Variants in PGBD5 observed in about 807,000 individuals in gnomAD.
The protein encoded by PGBD5 is piggyBac transposable element derived 5, also known as piggyBac transposable element-derived protein 5.
PGBD5 carries 14 observed loss-of-function variants against 47.9 expected under a neutral mutation model. The observed-to-expected ratio is 0.29, with a 90% CI of 0.19 to 0.46. The LOEUF is 0.46. PGBD5 is among the 20% of genes least tolerant of loss of function. The pLI is 1.00. For synonymous variants in PGBD5, 316 were observed against 306.3 expected, an observed-to-expected ratio of 1.03 and a Z score of -0.33; for missense variants, 635 against 716.0, an observed-to-expected ratio of 0.89 and a Z score of 1.29.
At chr1:230,370,271 T>A (rs1300515538) in intron 1 of PGBD5, among the ~76,000 whole-genome samples, 1 of 152,140 alleles carries the variant, frequency 6.6e-6, no homozygotes, top group African/African-American at 2.4e-5. Context: ...CCTCTTCACA[T>A]TCCCCATGGA....
chr1:230,359,364 T>C (rs987776262), intron 1 of PGBD5, among the ~76,000 whole-genome samples: 1 of 152,188 alleles, frequency 6.6e-6, no homozygotes, highest in African/African-American at 2.4e-5. Flanking sequence ...GCGCCCGGCC[T>C]GTGTATCGAT....
At position 230,325,620 on chromosome 1, in the gene PGBD5, T is replaced by C. The variant is rs76543027; in HGVS notation, c.1274-205A>G. On this transcript the variant is annotated intron_variant, in intron 5 of 6. Coordinates refer to ENST00000391860, the MANE Select transcript of PGBD5 (RefSeq NM_001258311.2). ...TTGAGGAAAGCATCAGTCAGGTGAG[T>C]GCCATGGTATGCGCTGGCCCAGACA... Among the ~76,000 whole-genome samples the C allele has an allele frequency of 3.9e-3, 595 of 152,184 alleles. 7 individuals are homozygous for C. In the East Asian group the frequency reaches 0.051, roughly 13 times the overall value.
intron 1 of PGBD5, among the ~76,000 whole-genome samples, chr1:230,400,709 G>A (rs1479026028): frequency 6.6e-6 from 1 of 152,212 alleles, no homozygotes; most frequent in Non-Finnish European, 1.5e-5. Flanking sequence ...GCTGGACACG[G>A]TGGCACATGT....
At chr1:230,378,204 C>T (rs181091980) in intron 1 of PGBD5, among the ~76,000 whole-genome samples, 235 of 152,338 alleles carry the variant, frequency 1.5e-3, no homozygotes, top group African/African-American at 5.5e-3. Context: ...TGCTTCTATG[C>T]CCACCTTCCC....
intron 1 of PGBD5, among the ~76,000 whole-genome samples, chr1:230,394,895 C>T (rs559366340): frequency 2.6e-3 from 315 of 123,448 alleles, no homozygotes; most frequent in Non-Finnish European, 4.2e-3. Flanking sequence ...TGCTCCTCCC[C>T]ATCCTCGAGC....
intron 1 of PGBD5, among the ~76,000 whole-genome samples, chr1:230,372,541 C>T (rs1035793761): frequency 2.6e-5 from 4 of 152,176 alleles, no homozygotes; most frequent in South Asian, 4.1e-4. Flanking sequence ...AGCACCTCCA[C>T]GTAAATGCCA....
chr1:230,398,067 C>G (rs925879803), intron 1 of PGBD5, among the ~76,000 whole-genome samples: 8 of 152,128 alleles, frequency 5.3e-5, no homozygotes, highest in Non-Finnish European at 7.3e-5. Flanking sequence ...CCTATAGGAC[C>G]CTGAAACAGT....
intron 1 of PGBD5, among the ~76,000 whole-genome samples, chr1:230,364,935 G>C (rs1217853420): frequency 6.6e-5 from 10 of 151,884 alleles, no homozygotes; most frequent in Non-Finnish European, 2.9e-5. Flanking sequence ...CTGGAGAATT[G>C]CTTGAACCCG....
chr1:230,343,280 G>C (rs1667433661), intron 3 of PGBD5, among the ~76,000 whole-genome samples: 1 of 152,218 alleles, frequency 6.6e-6, no homozygotes. Flanking sequence ...ATGACAGGTT[G>C]GAGGAGGGAC....
chr1:230,337,369 C>A, intron 3 of PGBD5, 81 bp from the exon 4 acceptor site: 2 of 1,327,248 alleles, frequency 1.5e-6, no homozygotes, highest in African/African-American at 1.5e-5. Flanking sequence ...GCACAGATCT[C>A]ATGGGTCTCA....
At chr1:230,377,537 C>T (rs1228712986) in intron 1 of PGBD5, 1 of 1,612,164 alleles carries the variant, frequency 6.2e-7, no homozygotes, top group East Asian at 2.2e-5. Context: ...CGGCCGGGCA[C>T]TATGCTGAGC....
rs556205883 is a variant in PGBD5, at chr1:230,367,727, G to A, written c.332-10406C>T. 4.6e-5 allele frequency among the ~76,000 whole-genome samples: 7 copies of A among 152,266 alleles called. No homozygotes were observed. In the East Asian group the frequency reaches 5.8e-4, roughly 13 times the overall value. ...TAATAAAATTTAAAAAGGGTGCTCC[G>A]TCATCTAGGCTTCAAGAATTATACT... On this transcript the variant is annotated intron_variant, in intron 1 of 6. Transcript: ENST00000391860.
intron 1 of PGBD5, among the ~76,000 whole-genome samples, chr1:230,373,891 TCTCA>T (rs1667971529): frequency 6.6e-6 from 1 of 152,090 alleles, no homozygotes; most frequent in African/African-American, 2.4e-5. Flanking sequence ...AGAGATGGTG[TCTCA>T]CTATGTTGCC....
intron 1 of PGBD5, among the ~76,000 whole-genome samples, chr1:230,387,870 AT>A (rs1419059437): frequency 3.9e-5 from 6 of 152,222 alleles, no homozygotes; most frequent in Non-Finnish European, 8.8e-5. Context: ...GGTAAAGAAC[AT>A]TTTCAGGAAT....
chr1:230,407,302 T>G (rs1350247127), intron 1 of PGBD5, among the ~76,000 whole-genome samples: 1 of 152,238 alleles, frequency 6.6e-6, no homozygotes, highest in Non-Finnish European at 1.5e-5. Flanking sequence ...AAATGGCTGT[T>G]AAAATGATTA....
At chr1:230,339,008 A>G (rs1667370155) in intron 3 of PGBD5, among the ~76,000 whole-genome samples, 2 of 152,294 alleles carry the variant, frequency 1.3e-5, no homozygotes, top group Admixed American at 1.3e-4. Flanking sequence ...ATTCCTTCTC[A>G]TCAACACCCA....
At chr1:230,363,409 C>T (rs1478134542) in intron 1 of PGBD5, among the ~76,000 whole-genome samples, 1 of 152,114 alleles carries the variant, frequency 6.6e-6, no homozygotes, top group African/African-American at 2.4e-5. Context: ...TGGTGAAATC[C>T]CGTCTCTACT....
At chr1:230,377,640 G>C in intron 1 of PGBD5, 1 of 1,489,150 alleles carries the variant, frequency 6.7e-7, no homozygotes, top group South Asian at 1.4e-5. Context: ...TACCGAACAG[G>C]TGCCCTGGTC....
intron 1 of PGBD5, among the ~76,000 whole-genome samples, chr1:230,421,830 G>A (rs1657656764): frequency 6.6e-6 from 1 of 152,168 alleles, no homozygotes. Flanking sequence ...GGTAGGAGCA[G>A]CTTCTTATAC....
Sources: gnomAD v4.1 joint callset for allele counts (sites outside exome capture counted in the v4.1 genomes callset) on GRCh38, gnomAD v4.1.1 for gene constraint, MANE v1.5 for transcripts, NCBI Gene and HGNC (gene_info 2026-07-23, HGNC 2026-07-21) for gene names.